PDSS2: variants seen among roughly 807,000 people sequenced by gnomAD.
PDSS2 encodes all trans-polyprenyl-diphosphate synthase PDSS2.
Under a neutral mutation model 44.5 loss-of-function variants are expected in PDSS2, and 31 were observed. The ratio of observed to expected loss-of-function variants is 0.70; its 90% CI spans 0.52 to 0.94. PDSS2 has a LOEUF of 0.94. Among genes scored for constraint, PDSS2 ranks in the 40% least tolerant of loss-of-function variants. The pLI, the probability that PDSS2 is intolerant of heterozygous loss-of-function variation, is 0.00. For missense variants in PDSS2, 452 were observed against 482.2 expected (o/e 0.94, Z 0.59); for synonymous variants, 157 against 180.3 (o/e 0.87, Z 1.03).
chr6:107,390,346 CTG>C (rs1309997315), intron 1 of PDSS2, among the ~76,000 whole-genome samples: 2 of 152,082 alleles, frequency 1.3e-5, no homozygotes, highest in African/African-American at 2.4e-5. Context: ...CAATTCATCT[CTG>C]TATCATTCTG....
chr6:107,309,230 C>T (rs1351536295), intron 2 of PDSS2, among the ~76,000 whole-genome samples: 2 of 152,142 alleles, frequency 1.3e-5, no homozygotes, highest in East Asian at 3.8e-4. Context: ...CTAATTTCAC[C>T]TGCACATTTT....
intron 3 of PDSS2, among the ~76,000 whole-genome samples, chr6:107,261,274 G>T (rs1157437707): frequency 6.6e-6 from 1 of 152,204 alleles, no homozygotes. Context: ...TGGGGCTGGT[G>T]GGATGTGTTT....
intron 1 of PDSS2, among the ~76,000 whole-genome samples, chr6:107,437,669 T>C (rs1249598396): frequency 2.0e-5 from 3 of 152,078 alleles, no homozygotes; most frequent in Non-Finnish European, 4.4e-5. Flanking sequence ...GCCTGTGTAT[T>C]ATGAAAAATT....
intron 1 of PDSS2, among the ~76,000 whole-genome samples, chr6:107,442,156 C>T (rs1007757511): frequency 6.6e-6 from 1 of 152,204 alleles, no homozygotes; most frequent in African/African-American, 2.4e-5. Context: ...GTGGCTCACA[C>T]CTGTAATCCC....
chr6:107,352,925 T>C (rs1189290851), intron 1 of PDSS2, among the ~76,000 whole-genome samples: 4 of 152,212 alleles, frequency 2.6e-5, no homozygotes, highest in Non-Finnish European at 5.9e-5. Context: ...CATGTGTACT[T>C]ATGAGACTTG....
At chr6:107,157,541 C>A (rs1350774939) in intron 7 of PDSS2, among the ~76,000 whole-genome samples, 2 of 152,136 alleles carry the variant, frequency 1.3e-5, no homozygotes, top group Non-Finnish European at 2.9e-5. Context: ...CCCACCCCAA[C>A]AAGCTCCCCA....
At chr6:107,285,557 C>A (rs1776112440) in intron 2 of PDSS2, among the ~76,000 whole-genome samples, 1 of 151,732 alleles carries the variant, frequency 6.6e-6, no homozygotes, top group East Asian at 1.9e-4. Flanking sequence ...GAAATGGAAT[C>A]CAGAGAGAGA....
At chr6:107,163,912 C>A (rs1771240987) in intron 7 of PDSS2, among the ~76,000 whole-genome samples, 1 of 152,096 alleles carries the variant, frequency 6.6e-6, no homozygotes, top group South Asian at 2.1e-4. Flanking sequence ...TGATCTTGTT[C>A]TTTTTTAAAT....
chr6:107,206,996 GTTTT>G (rs200710467), intron 6 of PDSS2, among the ~76,000 whole-genome samples: 1 of 142,390 alleles, frequency 7.0e-6, no homozygotes, highest in Non-Finnish European at 1.5e-5. Flanking sequence ...TGCTATTATT[GTTTT>G]TTTTTTTTTT....
intron 4 of PDSS2, among the ~76,000 whole-genome samples, chr6:107,242,419 G>A (rs935508865): frequency 6.6e-5 from 10 of 151,992 alleles, no homozygotes; most frequent in African/African-American, 2.2e-4. Flanking sequence ...GCCCGCCACT[G>A]TGCCCGCCTA....
chr6:107,221,338 T>A (rs1773597282), intron 4 of PDSS2, among the ~76,000 whole-genome samples: 1 of 83,366 alleles, frequency 1.2e-5, no homozygotes, highest in African/African-American at 5.7e-5. Context: ...TGAGACTCCG[T>A]CTCGAAAAAA....
intron 3 of PDSS2, among the ~76,000 whole-genome samples, chr6:107,259,376 A>G (rs1343814879): frequency 1.3e-5 from 2 of 152,050 alleles, no homozygotes; most frequent in East Asian, 3.9e-4. Flanking sequence ...CAAAAGAAAA[A>G]ATGAGGCCAG....
chr6:107,213,388 A>G (rs1773296008), intron 4 of PDSS2, among the ~76,000 whole-genome samples: 1 of 151,492 alleles, frequency 6.6e-6, no homozygotes, highest in South Asian at 2.1e-4. Flanking sequence ...GGTCTCAGGT[A>G]ATCTGCCTGC....
chr6:107,395,945 A>T (rs1274123998), intron 1 of PDSS2, among the ~76,000 whole-genome samples: 2 of 152,210 alleles, frequency 1.3e-5, no homozygotes, highest in African/African-American at 4.8e-5. Context: ...GTGGAGTTTC[A>T]TTTATGGTGG....
intron 1 of PDSS2, among the ~76,000 whole-genome samples, chr6:107,446,906 T>C (rs1781700891): frequency 6.6e-6 from 1 of 151,886 alleles, no homozygotes; most frequent in Admixed American, 6.6e-5. Flanking sequence ...TCTCGTGTGC[T>C]CACATTTCAA....
intron 1 of PDSS2, among the ~76,000 whole-genome samples, chr6:107,427,916 T>C (rs1019267460): frequency 6.6e-6 from 1 of 152,222 alleles, no homozygotes; most frequent in African/African-American, 2.4e-5. Flanking sequence ...ACCAACAATA[T>C]GAGGCCCTAT....
intron 4 of PDSS2, among the ~76,000 whole-genome samples, chr6:107,217,049 T>C (rs2114660458): frequency 6.6e-6 from 1 of 152,214 alleles, no homozygotes; most frequent in South Asian, 2.1e-4. Flanking sequence ...TTTCGTACTA[T>C]TTACCAGGAT....
chr6:107,351,733 T>A (rs1778440304), intron 1 of PDSS2, among the ~76,000 whole-genome samples: 1 of 152,196 alleles, frequency 6.6e-6, no homozygotes, highest in African/African-American at 2.4e-5. Context: ...TACACAATTA[T>A]TTAAGTAGAT....
chr6:107,257,167 G>A (rs1336674956), intron 3 of PDSS2, among the ~76,000 whole-genome samples: 8 of 151,944 alleles, frequency 5.3e-5, no homozygotes, highest in South Asian at 2.1e-4. Context: ...GTGACAGAGC[G>A]AGACTCTGTC....
Sources: allele counts gnomAD v4.1 joint callset (sites outside exome capture counted in the v4.1 genomes callset), GRCh38; gene constraint gnomAD v4.1.1; transcripts MANE v1.5; gene names NCBI Gene and HGNC (gene_info 2026-07-23, HGNC 2026-07-21).